Variants in ACTL8 observed in about 807,000 individuals in gnomAD.
ACTL8 encodes the protein actin like 8.
A neutral mutation model predicts 9.3 loss-of-function variants in ACTL8; 3 were observed. The ratio of observed to expected loss-of-function variants is 0.32; its 90% CI spans 0.15 to 0.83. The LOEUF (loss-of-function observed/expected upper bound fraction) is 0.83. ACTL8 is among the 40% of genes least tolerant of loss of function. The pLI, the probability that ACTL8 is intolerant of heterozygous loss-of-function variation, is 0.57. For synonymous variants in ACTL8, 224 were observed against 205.9 expected (o/e 1.09, Z -0.75); for missense variants, 381 against 492.2 (o/e 0.77, Z 2.14).
chr1:17,820,851 T>A (rs962490536), intron 1 of ACTL8, among the ~76,000 whole-genome samples: 1 of 152,154 alleles, frequency 6.6e-6, no homozygotes, highest in Admixed American at 6.5e-5. Flanking sequence ...TATGCTGAAC[T>A]TTTTAAGAAA....
rs561909733 is a variant in ACTL8 at position 17,823,042 on chromosome 1, T to A, written c.34T>A (p.Ser12Thr). ...AAGAACCGTTATCATTGACCACGGG[T>A]CTGGCTTTTTGAAGGCTGGCACGGC... Reference protein sequence around the residue: ...AARTVIIDHGSGFLKAGTAGW... With the variant: ...AARTVIIDHGTGFLKAGTAGW... The change falls in exon 2 of 3, where the codon TCT (serine) becomes ACT (threonine). Residue 12 changes from serine to threonine, a missense_variant. Physicochemically the swap from Ser to Thr is moderately conservative, Grantham distance 58. Transcript: ENST00000375406. The surrounding 1 kb of genome is among the most constrained non-coding windows in gnomAD (Gnocchi z 5.3). 3 of 1,614,080 alleles carry A rather than the reference T, an allele frequency of 1.9e-6. No homozygotes were observed. In the South Asian group the frequency reaches 3.3e-5, roughly 18 times the overall value.
rs567948712 is a variant in ACTL8 at position 17,819,595 on chromosome 1, C to T, written c.-24-3390C>T. ...CTGCCTTCGGGCTGAGCTGCCTTTCCGGAGGCCTCTCTTACAGGAAACACC... is the reference window on the plus strand; with the variant it reads ...CTGCCTTCGGGCTGAGCTGCCTTTCTGGAGGCCTCTCTTACAGGAAACACC... On this transcript the variant is annotated intron_variant, in intron 1 of 2. Coordinates refer to ENST00000375406, the MANE Select transcript of ACTL8 (RefSeq NM_030812.3). Among the ~76,000 whole-genome samples, 94 of 152,320 alleles carry T rather than the reference C, an allele frequency of 6.2e-4. 1 individual carries two copies. The highest frequency in any genetic ancestry group is 1.9e-3 in the African/African-American group (80 of 41,578).
intron 1 of ACTL8, among the ~76,000 whole-genome samples, chr1:17,779,340 C>A (rs2066137269): frequency 6.6e-6 from 1 of 152,182 alleles, no homozygotes; most frequent in African/African-American, 2.4e-5. Flanking sequence ...CAGAGGCCAT[C>A]CAAGACTGCC....
intron 1 of ACTL8, among the ~76,000 whole-genome samples, 190 bp downstream of exon 1, chr1:17,755,694 G>A (rs2065963319): frequency 6.6e-6 from 1 of 152,108 alleles, no homozygotes; most frequent in Non-Finnish European, 1.5e-5. Flanking sequence ...TCAGACCAAG[G>A]GCTTTTCCTT....
At chr1:17,804,158 A>G (rs1280326218) in intron 1 of ACTL8, among the ~76,000 whole-genome samples, 1 of 152,194 alleles carries the variant, frequency 6.6e-6, no homozygotes, top group East Asian at 1.9e-4. Context: ...TCTCTGTGAC[A>G]TTCTTGGCCC....
chr1:17,825,919 C>G lies in ACTL8; in HGVS notation c.501C>G (p.Pro167=), dbSNP rs114899155. The G allele has an allele frequency of 6.2e-7, 1 of 1,612,726 alleles. No individual in the cohort carries two copies. The highest frequency in any genetic ancestry group is 8.5e-7 in the Non-Finnish European group (1 of 1,180,014). ...CTTTCCACCAGGGCCGCCCCTTGCC[C>G]GCCAGCGGCAAGACGCTGGAGTTCG... The part of the protein sequence containing the change: ...VQPFHQGRPL[P]ASGKTLEFAG... The change falls in exon 3 of 3, where the codon CCC becomes CCG. Residue 167 remains proline, a synonymous_variant. Transcript: ENST00000375406.
At chr1:17,759,455 G>C (rs1403666394) in intron 1 of ACTL8, among the ~76,000 whole-genome samples, 1 of 152,266 alleles carries the variant, frequency 6.6e-6, no homozygotes, top group African/African-American at 2.4e-5. Context: ...CCTGTGAGCA[G>C]CTTTTGTGGC....
At chr1:17,791,741 TTATGCATGGTGCCTAATTTTGCCC>T in intron 1 of ACTL8, among the ~76,000 whole-genome samples, 1 of 152,358 alleles carries the variant, frequency 6.6e-6, no homozygotes, top group Middle Eastern at 3.4e-3. Context: ...GGGTGATGTT[TTATGCATGGTGCCTAATTTTGCCC>T]TGGCAGTCTC....
chr1:17,806,101 T>G (rs894486118), intron 1 of ACTL8, among the ~76,000 whole-genome samples: 5 of 152,230 alleles, frequency 3.3e-5, no homozygotes, highest in Non-Finnish European at 2.9e-5. Flanking sequence ...TAGCCCTGTT[T>G]ACACAGCCGG....
At chr1:17,755,910 G>A (rs2065966445) in intron 1 of ACTL8, among the ~76,000 whole-genome samples, 1 of 151,472 alleles carries the variant, frequency 6.6e-6, no homozygotes, top group African/African-American at 2.4e-5. Flanking sequence ...GCCTGATATG[G>A]GGGTCTCTTT....
chr1:17,791,271 G>T (rs1022522957), intron 1 of ACTL8, among the ~76,000 whole-genome samples: 1 of 152,134 alleles, frequency 6.6e-6, no homozygotes, highest in Non-Finnish European at 1.5e-5. Context: ...CCCTGGCCAC[G>T]CCTCCCTGCT....
intron 1 of ACTL8, among the ~76,000 whole-genome samples, chr1:17,757,018 A>G (rs186943970): frequency 3.1e-4 from 47 of 152,260 alleles, no homozygotes; most frequent in East Asian, 2.9e-3. Context: ...TAATCCCAAC[A>G]CTTTGGGAGG....
intron 1 of ACTL8, among the ~76,000 whole-genome samples, chr1:17,775,823 A>G (rs1226806179): frequency 6.6e-6 from 1 of 152,108 alleles, no homozygotes; most frequent in Admixed American, 6.5e-5. Context: ...CATGTGCCCT[A>G]GGTGCTCTCA....
At chr1:17,777,216 TC>T (rs1202354790) in intron 1 of ACTL8, among the ~76,000 whole-genome samples, 2 of 152,022 alleles carry the variant, frequency 1.3e-5, no homozygotes. Context: ...TTGTCCTGGG[TC>T]AGAACTTTCA....
chr1:17,826,596 T>TG lies in ACTL8; in HGVS notation c.*82dup, dbSNP rs1401999682. 2 of 1,358,090 alleles carry TG rather than the reference T, an allele frequency of 1.5e-6. No individual in the cohort carries two copies. The highest frequency in any genetic ancestry group is 5.1e-5 in the East Asian group (2 of 39,086). 84.1% of individuals were successfully genotyped at this position (1,358,090 alleles called of 1,614,324 possible). ...ATTAATTTTAGCAAAATGTTCTGGGTGGGGGTAGAATGAGGTGGGGTGGGG... is the reference window on the plus strand; with the variant it reads ...ATTAATTTTAGCAAAATGTTCTGGGTGGGGGGTAGAATGAGGTGGGGTGGGG... On this transcript the variant is annotated 3_prime_UTR_variant, in exon 3 of 3. Coordinates refer to ENST00000375406, the MANE Select transcript of ACTL8 (RefSeq NM_030812.3). This position sits in a 1 kb window ranked among gnomAD's most constrained non-coding sequence, Gnocchi z 4.5.
chr1:17,826,679 T>C lies in ACTL8; in HGVS notation c.*160T>C, dbSNP rs2053726107. 2 of 706,496 alleles carry C rather than the reference T, an allele frequency of 2.8e-6. No homozygotes were observed. Among genetic ancestry groups the C allele is most frequent in the Admixed American group, 3.4e-5 (1 of 29,542 alleles). The allele number at this position is 706,496 out of a possible 1,614,324, so 43.8% of individuals were successfully genotyped here. On this transcript the variant is annotated 3_prime_UTR_variant, in exon 3 of 3. Transcript: ENST00000375406. The surrounding 1 kb of genome is among the most constrained non-coding windows in gnomAD (Gnocchi z 4.5). ...GTATTTTTTAGGTTCTAAGGTTTTATCTTGTTGCAAGAGTGGGACCTACCC... is the reference window on the plus strand; with the variant it reads ...GTATTTTTTAGGTTCTAAGGTTTTACCTTGTTGCAAGAGTGGGACCTACCC...
chr1:17,779,286 A>G (rs1285563022), intron 1 of ACTL8, among the ~76,000 whole-genome samples: 1 of 152,078 alleles, frequency 6.6e-6, no homozygotes, highest in Admixed American at 6.6e-5. Context: ...CCACCACAGA[A>G]GCCTTCTCTG....
intron 1 of ACTL8, among the ~76,000 whole-genome samples, chr1:17,799,883 G>T (rs1443753047): frequency 6.6e-6 from 1 of 151,126 alleles, no homozygotes; most frequent in African/African-American, 2.4e-5. Flanking sequence ...CACCTTTATG[G>T]TGCTGAATTC....
At chr1:17,803,881 G>A (rs72648492) in intron 1 of ACTL8, among the ~76,000 whole-genome samples, 15,330 of 152,160 alleles carry the variant, frequency 0.1, 885 homozygotes, top group Admixed American at 0.16. Flanking sequence ...CCATCACTAT[G>A]CTTCTGGACA....
Sources: allele counts gnomAD v4.1 joint callset (sites outside exome capture counted in the v4.1 genomes callset), GRCh38; gene constraint gnomAD v4.1.1; non-coding constraint Gnocchi (gnomAD v3.1); transcripts MANE v1.5; gene names NCBI Gene and HGNC (gene_info 2026-07-23, HGNC 2026-07-21).